GNA14: variants seen among roughly 807,000 people sequenced by gnomAD.
GNA14 encodes the protein G protein subunit alpha 14.
In GNA14, 50 loss-of-function variants were observed where a neutral mutation model predicts 42.0. That is an observed-to-expected ratio of 1.19 (90% confidence interval 0.95 to 1.51). The LOEUF is 1.51. GNA14 is among the 40% of genes most tolerant of loss of function. The pLI, the probability that GNA14 is intolerant of heterozygous loss-of-function variation, is 0.00. For synonymous variants in GNA14, 173 were observed against 163.1 expected (o/e 1.06, Z -0.46); for missense variants, 473 against 446.2 (o/e 1.06, Z -0.54).
chr9:77,444,136 C>G (rs1835777608), intron 2 of GNA14, among the ~76,000 whole-genome samples: 1 of 152,218 alleles, frequency 6.6e-6, no homozygotes, highest in South Asian at 2.1e-4. Flanking sequence ...GCTGAACCTA[C>G]TGACGTTTCC....
At chr9:77,467,473 C>T (rs1396335160) in intron 2 of GNA14, among the ~76,000 whole-genome samples, 2 of 150,684 alleles carry the variant, frequency 1.3e-5, no homozygotes, top group Non-Finnish European at 3.0e-5. Context: ...GAAGGGTATT[C>T]TGGGCTGTCT....
intron 1 of GNA14, among the ~76,000 whole-genome samples, chr9:77,590,207 G>A (rs550383027): frequency 3.3e-5 from 5 of 152,120 alleles, no homozygotes; most frequent in African/African-American, 7.2e-5. Context: ...ATGAGCCACC[G>A]CACCCGGCCC....
chr9:77,577,272 A>G (rs1433005999), intron 1 of GNA14, among the ~76,000 whole-genome samples: 1 of 152,224 alleles, frequency 6.6e-6, no homozygotes, highest in African/African-American at 2.4e-5. Flanking sequence ...AGAGTAAGTT[A>G]CTGCCCTGTA....
chr9:77,632,067 C>T (rs1270595201), intron 1 of GNA14, among the ~76,000 whole-genome samples: 1 of 152,182 alleles, frequency 6.6e-6, no homozygotes, highest in Admixed American at 6.5e-5. Flanking sequence ...CAGCTGCAGA[C>T]CCAGGCACCC....
chr9:77,470,734 T>A (rs1248250233), intron 2 of GNA14, among the ~76,000 whole-genome samples: 1 of 152,156 alleles, frequency 6.6e-6, no homozygotes, highest in African/African-American at 2.4e-5. Flanking sequence ...AATTGACTCA[T>A]AATTCCACAG....
chr9:77,596,331 AC>A (rs1587842511), intron 1 of GNA14, among the ~76,000 whole-genome samples: 2 of 152,228 alleles, frequency 1.3e-5, no homozygotes, highest in Non-Finnish European at 2.9e-5. Flanking sequence ...ACAGTGTTTT[AC>A]AGTGATTTTT....
chr9:77,488,805 A>C (rs1250850183), intron 2 of GNA14, among the ~76,000 whole-genome samples: 5 of 151,146 alleles, frequency 3.3e-5, no homozygotes, highest in South Asian at 2.1e-4. Context: ...AAAAAAAAAA[A>C]AAAACAGAAC....
intron 2 of GNA14, among the ~76,000 whole-genome samples, chr9:77,528,803 G>A (rs1043378295): frequency 6.6e-6 from 1 of 152,148 alleles, no homozygotes; most frequent in African/African-American, 2.4e-5. Context: ...CCTTTTCTCA[G>A]CGCCGGAAAT....
intron 1 of GNA14, among the ~76,000 whole-genome samples, chr9:77,578,601 AT>A (rs150812229): frequency 0.023 from 3,573 of 152,320 alleles, 58 homozygotes; most frequent in Middle Eastern, 0.068. Context: ...CTTAAAACTC[AT>A]AAAATTTAAA....
chr9:77,452,413 A>G lies in GNA14; in HGVS notation c.310-17891T>C, dbSNP rs189973480. ...CGATGCCTTTATAAGCATTTTCCAG[A>G]GTGGTACATTAAACAAAACACTACT... is the stretch of plus-strand genomic sequence containing the variant. On this transcript the variant is annotated intron_variant, in intron 2 of 6. Coordinates refer to ENST00000341700, the MANE Select transcript of GNA14 (RefSeq NM_004297.4). 3.9e-5 allele frequency among the ~76,000 whole-genome samples: 6 copies of G among 152,242 alleles called. 1 individual carries two copies. The highest frequency in any genetic ancestry group is 3.3e-4 in the Admixed American group (5 of 15,294).
At chr9:77,437,540 A>AAGAAAGAGAAAG in intron 2 of GNA14, among the ~76,000 whole-genome samples, 1 of 151,142 alleles carries the variant, frequency 6.6e-6, no homozygotes, top group South Asian at 2.1e-4. Context: ...GACCCTGTAT[A>AAGAAAGAGAAAG]AGAAAGAGAA....
At chr9:77,446,964 CA>C (rs1835829315) in intron 2 of GNA14, among the ~76,000 whole-genome samples, 1 of 145,922 alleles carries the variant, frequency 6.9e-6, no homozygotes, top group Non-Finnish European at 1.5e-5. Context: ...AGTTCATGTA[CA>C]ATTTTTTTTT....
intron 2 of GNA14, among the ~76,000 whole-genome samples, chr9:77,468,434 T>C (rs183229093): frequency 1.3e-5 from 2 of 152,296 alleles, no homozygotes; most frequent in East Asian, 3.9e-4. Flanking sequence ...CATACACAGG[T>C]CGATTTAATT....
chr9:77,618,597 TATATATATATATATATATATA>T (rs1823861842), intron 1 of GNA14, among the ~76,000 whole-genome samples: 1 of 11,592 alleles, frequency 8.6e-5, no homozygotes, highest in Non-Finnish European at 2.3e-4. Flanking sequence ...TATATATATA[TATATATATATATATATATATA>T]TATTTTTTTT....
intron 1 of GNA14, among the ~76,000 whole-genome samples, chr9:77,644,437 C>CCAAAAAAAAAAA (rs778013639): frequency 5.9e-4 from 20 of 34,022 alleles, no homozygotes; most frequent in African/African-American, 1.0e-3. Context: ...TAAAGAGTGT[C>CCAAAAAAAAAAA]AAAAAAAAAA....
At chr9:77,427,197 T>G (rs1024451443) in intron 5 of GNA14, among the ~76,000 whole-genome samples, 1 of 152,194 alleles carries the variant, frequency 6.6e-6, no homozygotes, top group Non-Finnish European at 1.5e-5. Context: ...TCTAAGCACT[T>G]TGGGCTGAGA....
chr9:77,469,019 G>A (rs1836282691), intron 2 of GNA14, among the ~76,000 whole-genome samples: 1 of 152,138 alleles, frequency 6.6e-6, no homozygotes, highest in Admixed American at 6.6e-5. Flanking sequence ...TTTGATGTGT[G>A]TATAAGATCT....
At chr9:77,617,932 C>G (rs981282558) in intron 1 of GNA14, among the ~76,000 whole-genome samples, 6 of 152,020 alleles carry the variant, frequency 3.9e-5, no homozygotes, top group Admixed American at 1.3e-4. Flanking sequence ...CCACCAGTTC[C>G]CAGGTCTCCA....
At chr9:77,515,397 G>A (rs1291008166) in intron 2 of GNA14, among the ~76,000 whole-genome samples, 1 of 152,198 alleles carries the variant, frequency 6.6e-6, no homozygotes, top group Non-Finnish European at 1.5e-5. Flanking sequence ...AAGAAAGGAG[G>A]TCACTGTGGT....
Sources: gnomAD v4.1 joint callset for allele counts (sites outside exome capture counted in the v4.1 genomes callset) on GRCh38, gnomAD v4.1.1 for gene constraint, MANE v1.5 for transcripts, NCBI Gene and HGNC (gene_info 2026-07-23, HGNC 2026-07-21) for gene names.